XXYLT1: variants seen among roughly 807,000 people sequenced by gnomAD.
XXYLT1 encodes the protein xyloside xylosyltransferase 1.
Under a neutral mutation model 28.9 loss-of-function variants are expected in XXYLT1, and 20 were observed. That is an observed-to-expected ratio of 0.69 (90% confidence interval 0.49 to 1.00). The LOEUF is 1.00. XXYLT1 is among the 50% of genes least tolerant of loss of function. The pLI is 0.00. For synonymous variants in XXYLT1, 257 were observed against 253.8 expected (o/e 1.01, Z -0.12); for missense variants, 542 against 560.1 (o/e 0.97, Z 0.33).
At chr3:195,087,488 G>C (rs985553112) in intron 3 of XXYLT1, 2 of 152,292 alleles carry the variant, frequency 1.3e-5, no homozygotes, top group African/African-American at 2.4e-5. Flanking sequence ...TATGCCTGGA[G>C]CTGGTAGAGC....
At chr3:195,108,133 C>G (rs1717256331) in intron 3 of XXYLT1, among the ~76,000 whole-genome samples, 1 of 152,218 alleles carries the variant, frequency 6.6e-6, no homozygotes, top group Admixed American at 6.5e-5. Flanking sequence ...CAGAGGCAAC[C>G]CTGGGTCACC....
Position 195,215,259 on chromosome 3 carries a change from T to A in XXYLT1, c.652+11450A>T, listed in dbSNP as rs568479608. On this transcript the variant is annotated intron_variant, in intron 2 of 3. Coordinates refer to ENST00000310380, the MANE Select transcript of XXYLT1 (RefSeq NM_152531.5). Reference sequence around the variant, plus strand: ...CCATCGAGACTAGGAAGAAACTCCATCAACTAACGAGCAAAATAACCAGCT... The same window carrying A: ...CCATCGAGACTAGGAAGAAACTCCAACAACTAACGAGCAAAATAACCAGCT... 1.4e-3 allele frequency among the ~76,000 whole-genome samples: 208 copies of A among 144,782 alleles called. 2 individuals are homozygous for A. Among genetic ancestry groups the A allele is most frequent in the Non-Finnish European group, 9.0e-4 (59 of 65,350 alleles). The allele number at this position is 144,782 out of a possible 152,430, so 95.0% of individuals were successfully genotyped here.
At chr3:195,186,646 G>C (rs547186255) in intron 2 of XXYLT1, among the ~76,000 whole-genome samples, 1 of 151,276 alleles carries the variant, frequency 6.6e-6, no homozygotes, top group South Asian at 2.1e-4. Flanking sequence ...TCCCCCACTC[G>C]GGCAGCACCT....
chr3:195,165,903 A>C (rs1721096182), intron 2 of XXYLT1, among the ~76,000 whole-genome samples: 1 of 152,114 alleles, frequency 6.6e-6, no homozygotes, highest in Non-Finnish European at 1.5e-5. Flanking sequence ...GCCTCATTGA[A>C]TCCTCACACA....
chr3:195,152,899 A>G (rs1720354074), intron 3 of XXYLT1: 1 of 152,192 alleles, frequency 6.6e-6, no homozygotes, highest in African/African-American at 2.4e-5. Flanking sequence ...TTCCTTTCAT[A>G]TAGATGCTAG....
chr3:195,119,207 C>T (rs1718208434), intron 3 of XXYLT1, among the ~76,000 whole-genome samples: 4 of 150,592 alleles, frequency 2.7e-5, no homozygotes, highest in Admixed American at 2.6e-4. Flanking sequence ...TCACTTGAAC[C>T]TGGGAGGTGG....
chr3:195,086,204 A>C (rs1289616414), intron 3 of XXYLT1, among the ~76,000 whole-genome samples: 2 of 151,744 alleles, frequency 1.3e-5, no homozygotes, highest in African/African-American at 4.8e-5. Flanking sequence ...CTTGCTTTTA[A>C]ATTTTTCTTT....
chr3:195,097,270 T>C (rs1431432646), intron 3 of XXYLT1, among the ~76,000 whole-genome samples: 3 of 152,240 alleles, frequency 2.0e-5, no homozygotes, highest in Non-Finnish European at 2.9e-5. Context: ...CAGAGAGATA[T>C]ACTGTAGCTG....
At chr3:195,266,620 C>T (rs1165469594) in intron 1 of XXYLT1, among the ~76,000 whole-genome samples, 1 of 152,188 alleles carries the variant, frequency 6.6e-6, no homozygotes, top group Non-Finnish European at 1.5e-5. Flanking sequence ...AGTTCCTGAA[C>T]GCCCACTGTG....
Position 195,171,404 on chromosome 3 carries a change from A to G in XXYLT1, c.653-14823T>C, listed in dbSNP as rs144239812. On this transcript the variant is annotated intron_variant, in intron 2 of 3. Coordinates refer to ENST00000310380, the MANE Select transcript of XXYLT1 (RefSeq NM_152531.5). ...GCTATTTTTACCCGGTCACTTTCCA[A>G]CCATAAACCCAGACTTCAAATGTCA... is the stretch of plus-strand genomic sequence containing the variant. 6.5e-3 allele frequency among the ~76,000 whole-genome samples: 989 copies of G among 152,316 alleles called. 11 individuals are homozygous for G. The highest frequency in any genetic ancestry group is 0.023 in the African/African-American group (947 of 41,560).
At chr3:195,175,993 TATACG>T in intron 2 of XXYLT1, 2 of 1,035,842 alleles carry the variant, frequency 1.9e-6, no homozygotes, top group Non-Finnish European at 2.5e-6. Context: ...GTCATCAGTG[TATACG>T]TAGCAGCTTA....
chr3:195,233,199 T>G (rs59314385), intron 1 of XXYLT1, among the ~76,000 whole-genome samples: 9,829 of 152,276 alleles, frequency 0.065, 1,093 homozygotes, highest in African/African-American at 0.22. Context: ...CTGCTCCTTT[T>G]TGGTTTCCGT....
intron 2 of XXYLT1, among the ~76,000 whole-genome samples, chr3:195,172,053 T>C (rs1721434082): frequency 6.6e-6 from 1 of 152,234 alleles, no homozygotes. Context: ...GTTTGAGTTT[T>C]GTTTTCTTTT....
Position 195,133,647 on chromosome 3 carries a change from T to TC in XXYLT1, c.785+22801dup, listed in dbSNP as rs1719015252. On this transcript the variant is annotated intron_variant, in intron 3 of 3. Transcript: ENST00000310380. This position sits in a 1 kb window ranked among gnomAD's most constrained non-coding sequence, Gnocchi z 4.4. ...GTGCCAAACGCTCCCAGATGCACAC[T>TC]CTCGGCAACTTGTTGCCATGCAGCA... is the stretch of plus-strand genomic sequence containing the variant. Among the ~76,000 whole-genome samples, 1 of 152,152 alleles carries TC rather than the reference T, an allele frequency of 6.6e-6. No individual in the cohort carries two copies. Among genetic ancestry groups the TC allele is most frequent in the African/African-American group, 2.4e-5 (1 of 41,428 alleles).
rs4677809 is a variant in XXYLT1, at chr3:195,115,982, C to G, written c.785+40467G>C. Among the ~76,000 whole-genome samples, 106,665 of 151,950 alleles carry G rather than the reference C, an allele frequency of 0.7. 37,834 individuals carry two copies. The highest frequency in any genetic ancestry group is 0.73 in the Non-Finnish European group (49,664 of 67,966). ...TCAAGTCAGGCAGCTGAAGCATGCA[C>G]TATTTGCCACAAACGGAGTCGGGCT... On this transcript the variant is annotated intron_variant, in intron 3 of 3. Transcript: ENST00000310380. The surrounding 1 kb of genome is among the most constrained non-coding windows in gnomAD (Gnocchi z 4.2).
At chr3:195,105,273 ACT>A (rs1054334772) in intron 3 of XXYLT1, among the ~76,000 whole-genome samples, 16 of 152,186 alleles carry the variant, frequency 1.1e-4, no homozygotes, top group African/African-American at 3.6e-4. Flanking sequence ...AAAAATTAAA[ACT>A]CTATAATATA....
At position 195,152,390 on chromosome 3, in the gene XXYLT1, C is replaced by T. The variant is rs116752688; in HGVS notation, c.785+4059G>A. The T allele has an allele frequency of 1.0e-2, 1,526 of 152,686 alleles. 9 individuals are homozygous for T. The Middle Eastern group carries it at 0.11, about 11-fold the overall frequency. 9.5% of individuals were successfully genotyped at this position (152,686 alleles called of 1,614,324 possible). A position where few individuals can be genotyped will look rare whatever the true frequency, so the allele number is the denominator to read the frequency against. ...GACGCTCCATCCAAGATGACTACAG[C>T]GCTATGATTTCCAGATGGGGAAGGT... On this transcript the variant is annotated intron_variant, in intron 3 of 3. Transcript: ENST00000310380.
chr3:195,224,206 AC>A (rs1723950614), intron 2 of XXYLT1, among the ~76,000 whole-genome samples: 1 of 152,178 alleles, frequency 6.6e-6, no homozygotes, highest in Admixed American at 6.5e-5. Context: ...CCCCTGAAGA[AC>A]CCCTGAAAAG....
chr3:195,132,180 T>G (rs1718938055), intron 3 of XXYLT1, among the ~76,000 whole-genome samples: 1 of 152,240 alleles, frequency 6.6e-6, no homozygotes, highest in Non-Finnish European at 1.5e-5. Flanking sequence ...CATGAGCTTT[T>G]GCCTTTCTGT....
Sources: allele counts gnomAD v4.1 joint callset (sites outside exome capture counted in the v4.1 genomes callset), GRCh38; gene constraint gnomAD v4.1.1; non-coding constraint Gnocchi (gnomAD v3.1); transcripts MANE v1.5; gene names NCBI Gene and HGNC (gene_info 2026-07-23, HGNC 2026-07-21).